Variants in VWA3B observed in about 807,000 individuals in gnomAD.
VWA3B encodes von Willebrand factor A domain-containing protein 3B.
Under a neutral mutation model 158.3 loss-of-function variants are expected in VWA3B, and 138 were observed. The observed-to-expected ratio is 0.87, with a 90% CI of 0.76 to 1.00. The LOEUF (loss-of-function observed/expected upper bound fraction) is 1.00. VWA3B is among the 50% of genes least tolerant of loss of function. The probability of loss-of-function intolerance (pLI) is 0.00; values close to 1 mark genes in which losing one functional copy is unlikely to be tolerated. For missense variants in VWA3B, 1,555 were observed against 1,565.1 expected (o/e 0.99, Z 0.11); for synonymous variants, 596 against 587.3 (o/e 1.01, Z -0.21).
chr2:98,100,322 A>G (rs971736746), intron 2 of VWA3B, among the ~76,000 whole-genome samples: 5 of 152,228 alleles, frequency 3.3e-5, no homozygotes, highest in African/African-American at 1.2e-4. Flanking sequence ...TCCTAAGCCC[A>G]GGACCACCAT....
chr2:98,289,811 G>T (rs554778330), intron 22 of VWA3B, among the ~76,000 whole-genome samples: 14 of 152,310 alleles, frequency 9.2e-5, no homozygotes, highest in African/African-American at 3.4e-4. Flanking sequence ...GACTGTCAAA[G>T]AATGTCAGGA....
At chr2:98,092,827 T>C (rs1682428198) in intron 1 of VWA3B, among the ~76,000 whole-genome samples, 1 of 104,812 alleles carries the variant, frequency 9.5e-6, no homozygotes, top group South Asian at 3.0e-4. Flanking sequence ...TATATATATA[T>C]ATATATATAT....
chr2:98,270,463 A>G (rs76399441), intron 21 of VWA3B, among the ~76,000 whole-genome samples: 4,507 of 152,314 alleles, frequency 0.03, 100 homozygotes, highest in Middle Eastern at 0.051. Flanking sequence ...ACCATAATTC[A>G]CAGAGATGGT....
intron 21 of VWA3B, among the ~76,000 whole-genome samples, chr2:98,268,637 T>C (rs575792280): frequency 3.3e-5 from 5 of 152,006 alleles, no homozygotes; most frequent in Non-Finnish European, 7.4e-5. Context: ...ATTAACATTG[T>C]TGTTTTGAAT....
Position 98,312,387 on chromosome 2 carries a change from CCTTCCAGG to C in VWA3B, c.*41_*48del. ...GCAGCTATGTTTAAGAGACCAGCGT[CCTTCCAGG>C]CTGTTCAGACCTCAGCGTTGACACT... On this transcript the variant is annotated 3_prime_UTR_variant, in exon 28 of 28. Transcript: ENST00000477737. The C allele has an allele frequency of 6.3e-7, 1 of 1,579,088 alleles. No individual in the cohort carries two copies. Among genetic ancestry groups the C allele is most frequent in the Non-Finnish European group, 8.6e-7 (1 of 1,161,074 alleles).
intron 12 of VWA3B, chr2:98,207,436 T>G: frequency 6.3e-6 from 3 of 475,690 alleles, no homozygotes; most frequent in South Asian, 4.8e-5. Context: ...TGGCTACAAA[T>G]CCCTCCATAC....
intron 14 of VWA3B, among the ~76,000 whole-genome samples, chr2:98,224,572 T>C (rs983827508): frequency 4.0e-5 from 6 of 150,344 alleles, no homozygotes; most frequent in Non-Finnish European, 5.9e-5. Flanking sequence ...TGTAAATAAA[T>C]CAAAATAGAA....
chr2:98,188,204 C>T, intron 10 of VWA3B, 75 bp downstream of exon 10: 1 of 1,536,734 alleles, frequency 6.5e-7, no homozygotes, highest in South Asian at 1.3e-5. Flanking sequence ...CTTTTTTCCT[C>T]CCTTTTATTT....
chr2:98,184,556 T>C (rs1680858062), intron 9 of VWA3B, among the ~76,000 whole-genome samples: 1 of 152,078 alleles, frequency 6.6e-6, no homozygotes, highest in Non-Finnish European at 1.5e-5. Flanking sequence ...TCAGGAATTC[T>C]CATTGCCATG....
chr2:98,139,214 C>T (rs1676531720), intron 7 of VWA3B, among the ~76,000 whole-genome samples: 1 of 152,252 alleles, frequency 6.6e-6, no homozygotes, highest in Admixed American at 6.5e-5. Flanking sequence ...CTCTCGATTT[C>T]TCGCCAGGCC....
intron 14 of VWA3B, among the ~76,000 whole-genome samples, chr2:98,224,313 C>T (rs999559557): frequency 6.6e-6 from 1 of 152,026 alleles, no homozygotes; most frequent in South Asian, 2.1e-4. Context: ...ATAGATCTAT[C>T]CTTTTCTTCA....
Position 98,119,642 on chromosome 2 carries a change from T to C in VWA3B, c.421T>C (p.Cys141Arg). Residue 141 changes from cysteine (C) to arginine (R), a missense_variant, in exon 4 of 28, where the codon TGC becomes CGC. Coordinates refer to ENST00000477737, the MANE Select transcript of VWA3B (RefSeq NM_144992.5). ...RQIFGVILEQCVTIVLDFGGI... is the reference protein window; with the variant it reads ...RQIFGVILEQRVTIVLDFGGI... ...GATTTTTGGTGTCATCTTGGAACAG[T>C]GCGTCACCATAGTGCTGGATTTTGG... 6.2e-7 allele frequency: 1 copy of C among 1,614,082 alleles called. No individual in the cohort carries two copies. Among genetic ancestry groups the C allele is most frequent in the Non-Finnish European group, 8.5e-7 (1 of 1,180,032 alleles).
chr2:98,281,105 T>A (rs1035005611), intron 22 of VWA3B, among the ~76,000 whole-genome samples: 2 of 152,198 alleles, frequency 1.3e-5, no homozygotes, highest in Admixed American at 1.3e-4. Flanking sequence ...TATTTTCCTG[T>A]AAGCTCTTTT....
chr2:98,179,863 T>C (rs1680382956), intron 8 of VWA3B, among the ~76,000 whole-genome samples: 1 of 139,276 alleles, frequency 7.2e-6, no homozygotes, highest in African/African-American at 2.8e-5. Flanking sequence ...TCTTTCTTTC[T>C]TCTCTCTCCT....
chr2:98,100,013 C>G, intron 2 of VWA3B, among the ~76,000 whole-genome samples: 1 of 152,060 alleles, frequency 6.6e-6, no homozygotes, highest in East Asian at 1.9e-4. Flanking sequence ...ACTGAGCTTC[C>G]TTAAAACAGC....
intron 15 of VWA3B, among the ~76,000 whole-genome samples, chr2:98,229,440 T>G (rs919146260): frequency 6.6e-6 from 1 of 152,208 alleles, no homozygotes; most frequent in Non-Finnish European, 1.5e-5. Flanking sequence ...CAGAAATTGC[T>G]CTGGAAGTTT....
the VWA3B span, among the ~76,000 whole-genome samples, chr2:98,321,148 G>A: frequency 6.6e-6 from 1 of 152,334 alleles, no homozygotes; most frequent in Non-Finnish European, 1.5e-5. Flanking sequence ...AGTGGTGTTG[G>A]GCCTGTGGGT....
In VWA3B at chr2:98,181,013, C is replaced by CAG; in HGVS notation, c.1115_1116dup. ...GAATGGCTGACAAGCTGTGATTCTA[C>CAG]AGAGTCAGAAACAACCTCTGTTGAG... On this transcript the variant is annotated splice_polypyrimidine_tract_variant and splice_region_variant and intron_variant, in intron 8 of 27. Transcript: ENST00000477737. The CAG allele has an allele frequency of 6.2e-7, 1 of 1,613,644 alleles. No homozygotes were observed. Among genetic ancestry groups the CAG allele is most frequent in the Non-Finnish European group, 8.5e-7 (1 of 1,179,654 alleles).
chr2:98,194,102 A>G (rs1681827064), intron 11 of VWA3B, among the ~76,000 whole-genome samples: 1 of 152,176 alleles, frequency 6.6e-6, no homozygotes, highest in Non-Finnish European at 1.5e-5. Flanking sequence ...ATATATATAA[A>G]CTTTTACATA....
Sources: allele counts gnomAD v4.1 joint callset (sites outside exome capture counted in the v4.1 genomes callset), GRCh38; gene constraint gnomAD v4.1.1; transcripts MANE v1.5; gene names NCBI Gene and HGNC (gene_info 2026-07-23, HGNC 2026-07-21).